Variants in PIP4K2A observed in about 807,000 individuals in gnomAD.
PIP4K2A encodes phosphatidylinositol-5-phosphate 4-kinase type 2 alpha, also known as phosphatidylinositol 5-phosphate 4-kinase type-2 alpha.
In PIP4K2A, 14 loss-of-function variants were observed where a neutral mutation model predicts 42.9. The ratio of observed to expected loss-of-function variants is 0.33; its 90% CI spans 0.22 to 0.51. The LOEUF is 0.51. Among genes scored for constraint, PIP4K2A ranks in the 20% least tolerant of loss-of-function variants. PIP4K2A has a pLI of 0.97. For synonymous variants in PIP4K2A, 192 were observed against 192.2 expected, an observed-to-expected ratio of 1.00 and a Z score of 0.01; for missense variants, 434 against 519.8, an observed-to-expected ratio of 0.83 and a Z score of 1.61.
chr10:22,706,971 T>A (rs913779077), intron 1 of PIP4K2A, among the ~76,000 whole-genome samples: 6 of 151,980 alleles, frequency 3.9e-5, no homozygotes, highest in Non-Finnish European at 7.4e-5. Flanking sequence ...TTGCTACCTC[T>A]TAGCATTTAA....
intron 3 of PIP4K2A, among the ~76,000 whole-genome samples, chr10:22,605,626 T>C (rs1837889818): frequency 6.6e-6 from 1 of 152,220 alleles, no homozygotes; most frequent in Non-Finnish European, 1.5e-5. Context: ...AAAGACTTCA[T>C]TTCAATAATG....
At position 22,535,448 on chromosome 10, in the gene PIP4K2A, C is replaced by G. The variant is rs1835895552; in HGVS notation, c.*1753G>C. 1 of 152,216 alleles carries G rather than the reference C, an allele frequency of 6.6e-6. No homozygotes were observed. The highest frequency in any genetic ancestry group is 2.4e-5 in the African/African-American group (1 of 41,450). The allele number at this position is 152,216 out of a possible 1,614,324, so 9.4% of individuals were successfully genotyped here. A position where few individuals can be genotyped will look rare whatever the true frequency, so the allele number is the denominator to read the frequency against. On this transcript the variant is annotated 3_prime_UTR_variant, in exon 10 of 10. Transcript: ENST00000376573. ...TACGGAGGGCACGACTGCTGGCTTC[C>G]AAAGACTCTGTGAACTAGATCCACA...
intron 6 of PIP4K2A, 48 bp downstream of exon 6, chr10:22,567,803 T>C (rs1320915883): frequency 1.3e-6 from 2 of 1,486,188 alleles, no homozygotes; most frequent in East Asian, 2.3e-5. Flanking sequence ...ATTGGGAGTA[T>C]GTGATCATGC....
At chr10:22,650,010 A>G (rs1838960038) in intron 1 of PIP4K2A, among the ~76,000 whole-genome samples, 1 of 151,770 alleles carries the variant, frequency 6.6e-6, no homozygotes, top group African/African-American at 2.4e-5. Context: ...TAGTCCATCA[A>G]CTCCTTGGGG....
chr10:22,618,565 A>G (rs1166481316), intron 1 of PIP4K2A, among the ~76,000 whole-genome samples: 1 of 152,194 alleles, frequency 6.6e-6, no homozygotes, highest in Non-Finnish European at 1.5e-5. Flanking sequence ...CCTCAGGTGC[A>G]TTGCTAAGAA....
intron 6 of PIP4K2A, among the ~76,000 whole-genome samples, chr10:22,559,399 A>C (rs1457225390): frequency 6.6e-6 from 1 of 152,164 alleles, no homozygotes; most frequent in African/African-American, 2.4e-5. Flanking sequence ...AGTGAGATAA[A>C]AATTAATCTG....
rs1161598558 is a variant in PIP4K2A, at chr10:22,535,737, G to A, written c.*1464C>T. The A allele has an allele frequency of 1.1e-5, 2 of 187,468 alleles. No homozygotes were observed. The highest frequency in any genetic ancestry group is 4.6e-5 in the African/African-American group (2 of 43,226). The allele number at this position is 187,468 out of a possible 1,614,324, so 11.6% of individuals were successfully genotyped here. On this transcript the variant is annotated 3_prime_UTR_variant, in exon 10 of 10. Transcript: ENST00000376573. ...GCTCAATGCCTTTTGGAAAATGCAG[G>A]AGAGTTGGTAGATACATGATCTAGG...
chr10:22,712,322 CTG>C (rs1415383965), intron 1 of PIP4K2A, among the ~76,000 whole-genome samples: 2 of 152,098 alleles, frequency 1.3e-5, no homozygotes, highest in Non-Finnish European at 2.9e-5. Context: ...TTAAGGCAAA[CTG>C]GAATTCAGAC....
chr10:22,556,492 T>A (rs969259925), intron 6 of PIP4K2A, among the ~76,000 whole-genome samples: 6 of 152,242 alleles, frequency 3.9e-5, no homozygotes, highest in African/African-American at 1.4e-4. Flanking sequence ...AAATTTATGA[T>A]CTTTATTCAA....
intron 1 of PIP4K2A, among the ~76,000 whole-genome samples, chr10:22,666,686 T>C (rs1476820882): frequency 6.6e-6 from 1 of 152,212 alleles, no homozygotes; most frequent in Non-Finnish European, 1.5e-5. Flanking sequence ...CCCTGCACTG[T>C]TTCCGGCACC....
intron 3 of PIP4K2A, among the ~76,000 whole-genome samples, chr10:22,599,355 T>C (rs1010788200): frequency 5.9e-5 from 9 of 152,230 alleles, no homozygotes; most frequent in African/African-American, 2.2e-4. Flanking sequence ...CCACTGATCT[T>C]TGTCTCTATA....
intron 1 of PIP4K2A, among the ~76,000 whole-genome samples, chr10:22,638,045 T>G (rs1778330): frequency 0.085 from 12,892 of 152,198 alleles, 978 homozygotes; most frequent in African/African-American, 0.2. Context: ...GGCATCACCT[T>G]CCTCCTGAAC....
chr10:22,702,377 A>G (rs762483545), intron 1 of PIP4K2A, among the ~76,000 whole-genome samples: 1 of 152,262 alleles, frequency 6.6e-6, no homozygotes, highest in Non-Finnish European at 1.5e-5. Context: ...GTCTGAAGCC[A>G]TTAAAAGAAC....
intron 8 of PIP4K2A, among the ~76,000 whole-genome samples, 153 bp downstream of exon 8, chr10:22,541,651 C>G (rs1392775070): frequency 1.3e-5 from 2 of 152,180 alleles, no homozygotes; most frequent in Non-Finnish European, 2.9e-5. Context: ...TTAGCTTTAA[C>G]ATACTCTTGT....
chr10:22,604,083 A>G (rs1467006270), intron 3 of PIP4K2A, among the ~76,000 whole-genome samples: 1 of 152,212 alleles, frequency 6.6e-6, no homozygotes, highest in Non-Finnish European at 1.5e-5. Context: ...ACTGTTATTA[A>G]CAATGGATAT....
chr10:22,539,261 C>A (rs561856401), intron 9 of PIP4K2A, among the ~76,000 whole-genome samples: 2 of 152,292 alleles, frequency 1.3e-5, no homozygotes, highest in African/African-American at 4.8e-5. Context: ...GCAAGTTACT[C>A]CTGAAGCTAT....
At chr10:22,650,232 A>T (rs1383787907) in intron 1 of PIP4K2A, among the ~76,000 whole-genome samples, 1 of 152,122 alleles carries the variant, frequency 6.6e-6, no homozygotes, top group Admixed American at 6.5e-5. Context: ...TTTTACAGTC[A>T]TATCACTTAC....
chr10:22,631,111 T>C (rs766137443), intron 1 of PIP4K2A, among the ~76,000 whole-genome samples: 8 of 152,216 alleles, frequency 5.3e-5, no homozygotes, highest in Non-Finnish European at 1.2e-4. Flanking sequence ...AGTTTTACTT[T>C]GTATTGATGG....
At position 22,573,236 on chromosome 10, in the gene PIP4K2A, T is replaced by G. The variant is rs566189496; in HGVS notation, c.639+75A>C. ...CTGAGCGGCTCCTAAGCATTTCTGA[T>G]GATCAATGACAACATTTACAATGTA... On this transcript the variant is annotated intron_variant, in intron 5 of 9. Transcript: ENST00000376573. The G allele has an allele frequency of 2.1e-5, 29 of 1,354,820 alleles. No individual in the cohort carries two copies. The Admixed American group carries it at 5.1e-4, about 24-fold the overall frequency. 83.9% of individuals were successfully genotyped at this position (1,354,820 alleles called of 1,614,324 possible).
Sources: allele counts gnomAD v4.1 joint callset (sites outside exome capture counted in the v4.1 genomes callset), GRCh38; gene constraint gnomAD v4.1.1; transcripts MANE v1.5; gene names NCBI Gene and HGNC (gene_info 2026-07-23, HGNC 2026-07-21).